The following KCNK10 variants were observed in gnomAD, a reference collection of about 807,000 sequenced individuals.
KCNK10 encodes the protein potassium channel subfamily K member 10.
In KCNK10, 25 loss-of-function variants were observed where a neutral mutation model predicts 47.7. The ratio of observed to expected loss-of-function variants is 0.52; its 90% confidence interval spans 0.38 to 0.73. The LOEUF is 0.73. Ranked by LOEUF, KCNK10 falls within the 30% of genes least tolerant of loss-of-function variation. KCNK10 has a pLI of 0.00. For missense variants in KCNK10, 563 were observed against 714.5 expected (o/e 0.79, Z 2.42); for synonymous variants, 303 against 285.6 (o/e 1.06, Z -0.61).
chr14:88,303,607 G>A (rs1046926408), intron 1 of KCNK10, among the ~76,000 whole-genome samples: 1 of 152,054 alleles, frequency 6.6e-6, no homozygotes, highest in Non-Finnish European at 1.5e-5. Flanking sequence ...AATTCCCCAG[G>A]AGAAGAGAGG....
intron 1 of KCNK10, among the ~76,000 whole-genome samples, chr14:88,293,200 G>T (rs1353940111): frequency 6.6e-6 from 1 of 152,072 alleles, no homozygotes; most frequent in Non-Finnish European, 1.5e-5. Flanking sequence ...GGCTTTAAAA[G>T]TAAAAATAAA....
intron 1 of KCNK10, among the ~76,000 whole-genome samples, chr14:88,280,375 C>G (rs1307157664): frequency 6.6e-6 from 1 of 152,194 alleles, no homozygotes; most frequent in Non-Finnish European, 1.5e-5. Context: ...TGCCTAAACA[C>G]TGGACTTCCG....
chr14:88,242,107 T>C (rs1886495577), intron 2 of KCNK10, among the ~76,000 whole-genome samples: 1 of 152,238 alleles, frequency 6.6e-6, no homozygotes, highest in Admixed American at 6.5e-5. Context: ...TAACCCTATG[T>C]AGGGAGAGCA....
Position 88,185,957 on chromosome 14 carries a change from C to T in KCNK10, c.1210G>A (p.Val404Ile). 6.2e-7 allele frequency: 1 copy of T among 1,613,756 alleles called. No individual in the cohort carries two copies. The highest frequency in any genetic ancestry group is 8.5e-7 in the Non-Finnish European group (1 of 1,179,998). ...CGGCCGGTGTCCAGGGCAGCAAAGA[C>T]AGAGCGCTTCTCGGGGGACAGCATG... ...LDMLSPEKRS[V>I]FAALDTGRFK... is the part of the protein sequence containing the mutation. The change falls in exon 7 of 7, where the codon GTC becomes ATC. Residue 404 changes from valine (V) to isoleucine (I), a missense_variant. Transcript: ENST00000319231. This position sits in a 1 kb window ranked among gnomAD's most constrained non-coding sequence, Gnocchi z 4.3.
intron 2 of KCNK10, among the ~76,000 whole-genome samples, chr14:88,247,151 T>C (rs983954628): frequency 2.6e-5 from 4 of 152,168 alleles, no homozygotes; most frequent in Non-Finnish European, 5.9e-5. Context: ...CGCTTCTCTC[T>C]ACTTTGAGTT....
chr14:88,188,447 G>A (rs544357544), intron 5 of KCNK10, among the ~76,000 whole-genome samples: 2 of 152,290 alleles, frequency 1.3e-5, no homozygotes, highest in South Asian at 4.1e-4. Context: ...AGGCCTGGTT[G>A]TCATTGTTTT....
chr14:88,274,566 A>ACAAAAAAAAAAAAAAAT (rs55899872), intron 1 of KCNK10, among the ~76,000 whole-genome samples: 1 of 139,626 alleles, frequency 7.2e-6, no homozygotes, highest in African/African-American at 3.1e-5. Context: ...AAAAAAAAAA[A>ACAAAAAAAAAAAAAAAT]GATCTTATGG....
chr14:88,260,400 C>G lies in KCNK10; in HGVS notation c.402+2802G>C, dbSNP rs1449987283. 6.6e-6 allele frequency among the ~76,000 whole-genome samples: 1 copy of G among 152,228 alleles called. No homozygotes were observed. The highest frequency in any genetic ancestry group is 1.5e-5 in the Non-Finnish European group (1 of 68,042). On this transcript the variant is annotated intron_variant, in intron 2 of 6. Transcript: ENST00000319231. This position sits in a 1 kb window ranked among gnomAD's most constrained non-coding sequence, Gnocchi z 4.5. Reference sequence around the variant, plus strand: ...CATGCTTCCTGCACAGCCTGCGGAACTGTGAATCAATTAAACCTCTTTTCT... The same window carrying G: ...CATGCTTCCTGCACAGCCTGCGGAAGTGTGAATCAATTAAACCTCTTTTCT...
intron 4 of KCNK10, among the ~76,000 whole-genome samples, chr14:88,193,032 A>C (rs1884800598): frequency 6.6e-6 from 1 of 152,182 alleles, no homozygotes; most frequent in African/African-American, 2.4e-5. Context: ...CATTTATAAC[A>C]CACTTTTGTT....
At chr14:88,253,412 T>C (rs1449368077) in intron 2 of KCNK10, among the ~76,000 whole-genome samples, 1 of 152,136 alleles carries the variant, frequency 6.6e-6, no homozygotes, top group Non-Finnish European at 1.5e-5. Flanking sequence ...TTTGAGATGA[T>C]GAATATGCTA....
chr14:88,266,633 A>C (rs1388725838), intron 1 of KCNK10, among the ~76,000 whole-genome samples: 1 of 152,160 alleles, frequency 6.6e-6, no homozygotes, highest in Non-Finnish European at 1.5e-5. Context: ...CATCGGAATC[A>C]CCAGCACTCT....
intron 1 of KCNK10, among the ~76,000 whole-genome samples, chr14:88,292,356 C>T (rs571880134): frequency 6.6e-6 from 1 of 152,204 alleles, no homozygotes; most frequent in East Asian, 1.9e-4. Context: ...GTTGTTGTTG[C>T]TGTTGTTGTT....
chr14:88,315,653 C>A (rs1397203685), intron 1 of KCNK10, among the ~76,000 whole-genome samples: 3 of 152,092 alleles, frequency 2.0e-5, no homozygotes, highest in Non-Finnish European at 4.4e-5. Context: ...TGCTAGCTTG[C>A]ATGTCAAAAT....
rs777517977 is a variant in KCNK10, at chr14:88,185,700, C to A, written c.1467G>T (p.Glu489Asp). ...TCTTTTCCGTCTCCTCCTCTTTCTT[C>A]TCCTCGTCCAGGGAGTAATTCCGGA... ...KTFRNYSLDE[E>D]KKEEETEKMC... The change falls in exon 7 of 7, where the codon GAG becomes GAT. Residue 489 changes from glutamate (E) to aspartate (D), a missense_variant. By Grantham distance (45) the Glu-to-Asp change is conservative. Transcript: ENST00000319231. The surrounding 1 kb of genome is among the most constrained non-coding windows in gnomAD (Gnocchi z 4.3). 1.2e-5 allele frequency: 19 copies of A among 1,614,170 alleles called. No homozygotes were observed. The highest frequency in any genetic ancestry group is 1.5e-5 in the Non-Finnish European group (18 of 1,180,034).
At chr14:88,205,176 C>G (rs1885230101) in intron 4 of KCNK10, among the ~76,000 whole-genome samples, 1 of 152,242 alleles carries the variant, frequency 6.6e-6, no homozygotes, top group Non-Finnish European at 1.5e-5. Flanking sequence ...TTCCACGCAG[C>G]AATATGCATT....
intron 5 of KCNK10, among the ~76,000 whole-genome samples, chr14:88,190,813 C>T (rs56076319): frequency 0.22 from 33,074 of 152,062 alleles, 4,675 homozygotes; most frequent in Non-Finnish European, 0.31. Context: ...CAGGGAGGCA[C>T]GCATGCCCCT....
intron 1 of KCNK10, among the ~76,000 whole-genome samples, chr14:88,279,474 C>G (rs1026820007): frequency 2.0e-5 from 3 of 151,022 alleles, no homozygotes; most frequent in Non-Finnish European, 4.4e-5. Flanking sequence ...TCAATGTGTG[C>G]TACCAGATTC....
At chr14:88,262,308 G>A (rs1887132742) in intron 2 of KCNK10, among the ~76,000 whole-genome samples, 1 of 152,312 alleles carries the variant, frequency 6.6e-6, no homozygotes, top group Middle Eastern at 3.4e-3. Flanking sequence ...TTCAGCCTCA[G>A]AGGCAGCCTT....
At chr14:88,249,377 G>A (rs1388202975) in intron 2 of KCNK10, among the ~76,000 whole-genome samples, 1 of 152,150 alleles carries the variant, frequency 6.6e-6, no homozygotes, top group Non-Finnish European at 1.5e-5. Flanking sequence ...CTTATGTTAA[G>A]ACACAAAGCC....
Sources: gnomAD v4.1 joint callset for allele counts (sites outside exome capture counted in the v4.1 genomes callset) on GRCh38, gnomAD v4.1.1 for gene constraint, Gnocchi (gnomAD v3.1) non-coding constraint, MANE v1.5 for transcripts, NCBI Gene and HGNC (gene_info 2026-07-23, HGNC 2026-07-21) for gene names.